Variants in RBFOX1 observed in about 807,000 individuals in gnomAD.
RBFOX1 encodes the protein RNA binding fox-1 homolog 1.
RBFOX1 carries 8 observed loss-of-function variants against 57.7 expected under a neutral mutation model. That is an observed-to-expected ratio of 0.14 (90% CI 0.08 to 0.25). The LOEUF (loss-of-function observed/expected upper bound fraction) is 0.25. RBFOX1 is among the 10% of genes least tolerant of loss of function. The pLI is 1.00. For missense variants in RBFOX1, 611 were observed against 548.5 expected, an observed-to-expected ratio of 1.11 and a Z score of -1.14; for synonymous variants, 326 against 222.4, an observed-to-expected ratio of 1.47 and a Z score of -4.15.
intron 2 of RBFOX1, among the ~76,000 whole-genome samples, chr16:6,488,943 T>G (rs182251540): frequency 6.6e-6 from 1 of 152,250 alleles, no homozygotes; most frequent in Non-Finnish European, 1.5e-5. Flanking sequence ...TGTACTTCAA[T>G]TATTAAACAT....
intron 3 of RBFOX1, among the ~76,000 whole-genome samples, chr16:5,619,909 T>C (rs1408182085): frequency 6.6e-6 from 1 of 151,984 alleles, no homozygotes; most frequent in Non-Finnish European, 1.5e-5. Flanking sequence ...ATGCTGACTT[T>C]CTACAGCCAT....
intron 1 of RBFOX1, among the ~76,000 whole-genome samples, chr16:5,283,351 G>T (rs998332394): frequency 1.3e-5 from 2 of 152,170 alleles, no homozygotes; most frequent in African/African-American, 4.8e-5. Context: ...GGAGCTGTGA[G>T]AAGAGGGCCA....
chr16:5,798,762 T>C (rs774139222), intron 3 of RBFOX1, among the ~76,000 whole-genome samples: 1 of 152,216 alleles, frequency 6.6e-6, no homozygotes, highest in Non-Finnish European at 1.5e-5. Flanking sequence ...AATTAAGTCA[T>C]GCCAGAGTCA....
intron 1 of RBFOX1, among the ~76,000 whole-genome samples, chr16:6,138,835 C>T (rs2096688989): frequency 6.6e-6 from 1 of 152,140 alleles, no homozygotes; most frequent in African/African-American, 2.4e-5. Context: ...CCGCTGCACT[C>T]CAGCCTGGGC....
In RBFOX1 at chr16:5,756,879, C is replaced by T. The variant is rs114154168; in HGVS notation, c.319-110424C>T. Among the ~76,000 whole-genome samples, 1,082 of 152,080 alleles carry T rather than the reference C, an allele frequency of 7.1e-3. 14 individuals carry two copies. The highest frequency in any genetic ancestry group is 0.025 in the African/African-American group (1,021 of 41,460). On this transcript the variant is annotated intron_variant, in intron 3 of 19. Transcript: ENST00000641259. The stretch of plus-strand genomic sequence containing the variant: ...TTGCATGCAGAAACTGGGCTAAGCA[C>T]GTTACATTTGTATAAAAAATATAAG...
intron 3 of RBFOX1, among the ~76,000 whole-genome samples, chr16:6,772,410 G>T (rs770712283): frequency 2.2e-4 from 32 of 147,928 alleles, no homozygotes; most frequent in African/African-American, 7.3e-4. Context: ...GAAGGGTTTT[G>T]TGTGTGCGCA....
chr16:6,662,149 G>T (rs549046500), intron 3 of RBFOX1, among the ~76,000 whole-genome samples: 97 of 151,760 alleles, frequency 6.4e-4, no homozygotes, highest in African/African-American at 2.3e-3. Context: ...AAAAAAAAGG[G>T]AGGATCTTGG....
chr16:6,443,960 A>G (rs990708711), intron 2 of RBFOX1, among the ~76,000 whole-genome samples: 1 of 152,200 alleles, frequency 6.6e-6, no homozygotes, highest in Non-Finnish European at 1.5e-5. Flanking sequence ...GAACAGTGTT[A>G]GTACTCAGGA....
At chr16:6,265,484 A>T (rs113116307) in intron 1 of RBFOX1, among the ~76,000 whole-genome samples, 13 of 151,086 alleles carry the variant, frequency 8.6e-5, no homozygotes, top group African/African-American at 2.9e-4. Context: ...CTGGTCTCAA[A>T]CTCCTGACCT....
At chr16:5,862,794 A>G (rs1020590283) in intron 3 of RBFOX1, among the ~76,000 whole-genome samples, 11 of 152,296 alleles carry the variant, frequency 7.2e-5, no homozygotes, top group Non-Finnish European at 1.0e-4. Context: ...ACACGACCCT[A>G]TAAAAGTTAT....
At chr16:6,476,756 C>T (rs1250648672) in intron 2 of RBFOX1, among the ~76,000 whole-genome samples, 1 of 152,156 alleles carries the variant, frequency 6.6e-6, no homozygotes, top group Admixed American at 6.6e-5. Context: ...TTCTTCCTTT[C>T]ATGAAATACT....
intron 1 of RBFOX1, among the ~76,000 whole-genome samples, chr16:5,253,218 C>T (rs377455114): frequency 1.3e-5 from 2 of 151,850 alleles, no homozygotes; most frequent in African/African-American, 4.8e-5. Flanking sequence ...GGTGCAATCT[C>T]GGTTCACTGC....
At chr16:7,323,244 G>T (rs1340353945) in intron 4 of RBFOX1, among the ~76,000 whole-genome samples, 1 of 152,094 alleles carries the variant, frequency 6.6e-6, no homozygotes. Flanking sequence ...GCAACACAGC[G>T]AGACCCCCAT....
intron 3 of RBFOX1, among the ~76,000 whole-genome samples, chr16:6,918,113 C>T (rs1023471672): frequency 5.3e-5 from 8 of 151,972 alleles, no homozygotes; most frequent in Non-Finnish European, 1.2e-4. Flanking sequence ...ATGGTGAAAC[C>T]CCTGTCTCTA....
intron 1 of RBFOX1, among the ~76,000 whole-genome samples, chr16:5,293,150 A>G (rs1220581095): frequency 1.3e-5 from 2 of 151,870 alleles, no homozygotes; most frequent in African/African-American, 2.4e-5. Context: ...ACGAGACCCT[A>G]TTTCTACTAA....
At chr16:7,610,830 C>T (rs1472939261) in intron 10 of RBFOX1, among the ~76,000 whole-genome samples, 1 of 152,170 alleles carries the variant, frequency 6.6e-6, no homozygotes, top group African/African-American at 2.4e-5. Flanking sequence ...CATTCATTTC[C>T]ATATCCAGGT....
At chr16:5,742,964 G>C (rs914205715) in intron 3 of RBFOX1, among the ~76,000 whole-genome samples, 2 of 152,174 alleles carry the variant, frequency 1.3e-5, no homozygotes, top group African/African-American at 4.8e-5. Flanking sequence ...GACACTGAAC[G>C]TGTGCTGGGT....
At chr16:7,438,086 G>T (rs1253989540) in intron 4 of RBFOX1, among the ~76,000 whole-genome samples, 1 of 152,148 alleles carries the variant, frequency 6.6e-6, no homozygotes, top group Non-Finnish European at 1.5e-5. Context: ...GACTTGCTCC[G>T]CGATGCTTGT....
intron 4 of RBFOX1, among the ~76,000 whole-genome samples, chr16:7,220,880 C>T (rs1441401706): frequency 6.6e-6 from 1 of 152,054 alleles, no homozygotes; most frequent in Non-Finnish European, 1.5e-5. Context: ...CTTGTTAAGA[C>T]TCAGGATACT....
Sources: gnomAD v4.1 joint callset for allele counts (sites outside exome capture counted in the v4.1 genomes callset) on GRCh38, gnomAD v4.1.1 for gene constraint, MANE v1.5 for transcripts, NCBI Gene and HGNC (gene_info 2026-07-23, HGNC 2026-07-21) for gene names.